RBPJ: variants seen among roughly 807,000 people sequenced by gnomAD.
The protein encoded by RBPJ is recombination signal binding protein for immunoglobulin kappa J region, also known as recombining binding protein suppressor of hairless.
A neutral mutation model predicts 67.8 loss-of-function variants in RBPJ; 9 were observed. That is an observed-to-expected ratio of 0.13 (90% CI 0.08 to 0.23). The LOEUF (loss-of-function observed/expected upper bound fraction) is 0.23, where lower values mean the gene tolerates loss of function less well. Among genes scored for constraint, RBPJ ranks in the 10% least tolerant of loss-of-function variants. The pLI, the probability that RBPJ is intolerant of heterozygous loss-of-function variation, is 1.00. For missense variants in RBPJ, 305 were observed against 595.6 expected (o/e 0.51, Z 5.08); for synonymous variants, 198 against 203.3 (o/e 0.97, Z 0.22).
chr4:26,185,356 T>A (rs1717203158), intron 1 of RBPJ, among the ~76,000 whole-genome samples: 1 of 152,086 alleles, frequency 6.6e-6, no homozygotes. Flanking sequence ...TGGAAGACAG[T>A]GGCAAGAGAT....
At chr4:26,265,763 G>T (rs2109255978) in intron 1 of RBPJ, among the ~76,000 whole-genome samples, 1 of 152,272 alleles carries the variant, frequency 6.6e-6, no homozygotes, top group South Asian at 2.1e-4. Flanking sequence ...TTCTGGCCAG[G>T]CACGGTGGCT....
intron 1 of RBPJ, among the ~76,000 whole-genome samples, chr4:26,168,169 G>T (rs557712533): frequency 6.6e-6 from 1 of 151,944 alleles, no homozygotes; most frequent in Admixed American, 6.6e-5. Context: ...TCCTAGTCTC[G>T]ATGGTCTTTA....
At position 26,431,073 on chromosome 4, in the gene RBPJ, A is replaced by G; in HGVS notation, c.*66A>G. The stretch of plus-strand genomic sequence containing the variant: ...GCAAAAAGTTAACAAAAAAGGAGAA[A>G]AAATGAACAATCGTTTGTGGTTTCT... On this transcript the variant is annotated 3_prime_UTR_variant, in exon 11 of 11. Transcript: ENST00000355476. The G allele has an allele frequency of 7.0e-7, 1 of 1,420,984 alleles. No individual in the cohort carries two copies. The highest frequency in any genetic ancestry group is 9.7e-7 in the Non-Finnish European group (1 of 1,027,134). The allele number at this position is 1,420,984 out of a possible 1,614,324, so 88.0% of individuals were successfully genotyped here. A position where few individuals can be genotyped will look rare whatever the true frequency, so the allele number is the denominator to read the frequency against.
chr4:26,270,440 G>GAAAGAGAAAGAAAGAAA lies in RBPJ; in HGVS notation c.-166-92001_-166-92000insGAAAGAAAGAAAAAAGA, dbSNP rs1560238032. 1.7e-4 allele frequency among the ~76,000 whole-genome samples: 16 copies of GAAAGAGAAAGAAAGAAA among 95,528 alleles called. 1 individual carries two copies. Among genetic ancestry groups the GAAAGAGAAAGAAAGAAA allele is most frequent in the African/African-American group, 7.0e-4 (16 of 22,894 alleles). 62.7% of individuals were successfully genotyped at this position (95,528 alleles called of 152,430 possible). ...AAGAAAGAAAGAAAGAAAGAAAGAA[G>GAAAGAGAAAGAAAGAAA]AAAGAAAGAAAGAAAGAAAAGAAAA... is the stretch of plus-strand genomic sequence containing the variant. On this transcript the variant is annotated intron_variant, in intron 1 of 4. Coordinates refer to the RBPJ transcript ENST00000512351.
At chr4:26,287,702 AAAG>A (rs1341527537) in intron 1 of RBPJ, among the ~76,000 whole-genome samples, 9 of 89,910 alleles carry the variant, frequency 1.0e-4, no homozygotes, top group African/African-American at 5.2e-4. Flanking sequence ...GGAGGGAAGA[AAAG>A]AAAGAGAAAG....
chr4:26,140,496 A>T, the RBPJ span, among the ~76,000 whole-genome samples: 1 of 152,118 alleles, frequency 6.6e-6, no homozygotes, highest in Admixed American at 6.5e-5. Context: ...TTCTATTCTC[A>T]GACTGGATCT....
chr4:26,244,809 T>A (rs1426977943), intron 1 of RBPJ, among the ~76,000 whole-genome samples: 1 of 152,024 alleles, frequency 6.6e-6, no homozygotes, highest in Non-Finnish European at 1.5e-5. Context: ...TAATTTTGTA[T>A]TTTTAGTAGA....
At chr4:26,320,550 C>A (rs1333820380), upstream of RBPJ, 6 of 519,218 alleles carry the variant, frequency 1.2e-5, no homozygotes, top group Non-Finnish European at 2.0e-5. Context: ...GAGCGGGAAG[C>A]CGCTTGGAAA....
At chr4:26,334,542 A>G (rs1724608521) in intron 1 of RBPJ, among the ~76,000 whole-genome samples, 1 of 152,198 alleles carries the variant, frequency 6.6e-6, no homozygotes, top group Non-Finnish European at 1.5e-5. Context: ...GTGTGTATGC[A>G]AAGGGGCTGC....
At chr4:26,159,886 G>C (rs1716044687), upstream of RBPJ, among the ~76,000 whole-genome samples, 2 of 151,850 alleles carry the variant, frequency 1.3e-5, no homozygotes, top group South Asian at 4.1e-4. Context: ...GGAAGAGAGA[G>C]AGTCCAGGGC....
At chr4:26,218,388 G>C (rs1718787985) in intron 1 of RBPJ, among the ~76,000 whole-genome samples, 1 of 152,172 alleles carries the variant, frequency 6.6e-6, no homozygotes, top group Non-Finnish European at 1.5e-5. Flanking sequence ...GAGACACCCT[G>C]ATGGGCACTG....
chr4:26,131,530 C>G, the RBPJ span, among the ~76,000 whole-genome samples: 1 of 152,016 alleles, frequency 6.6e-6, no homozygotes, highest in African/African-American at 2.4e-5. Context: ...AAATAGTGAC[C>G]CCAAAAGATA....
intron 1 of RBPJ, among the ~76,000 whole-genome samples, chr4:26,354,986 A>G (rs889661947): frequency 3.3e-5 from 5 of 152,120 alleles, no homozygotes; most frequent in Non-Finnish European, 7.4e-5. Context: ...CTCTCATTTA[A>G]TGAAATAATT....
At chr4:26,138,893 G>T in the RBPJ span, among the ~76,000 whole-genome samples, 1 of 152,226 alleles carries the variant, frequency 6.6e-6, no homozygotes, top group Non-Finnish European at 1.5e-5. Flanking sequence ...AGGCTTAGGG[G>T]TTCCATGAAG....
At chr4:26,308,759 A>T (rs915436252) in intron 1 of RBPJ, among the ~76,000 whole-genome samples, 6 of 152,176 alleles carry the variant, frequency 3.9e-5, no homozygotes, top group African/African-American at 1.4e-4. Context: ...CTACAAGTTG[A>T]TGCTTATCAT....
chr4:26,278,598 G>A (rs923317586), intron 1 of RBPJ, among the ~76,000 whole-genome samples: 4 of 152,170 alleles, frequency 2.6e-5, no homozygotes, highest in Non-Finnish European at 5.9e-5. Context: ...ATAGGATTAT[G>A]AAATAGACTA....
intron 1 of RBPJ, among the ~76,000 whole-genome samples, chr4:26,205,410 T>G (rs1718134824): frequency 6.6e-6 from 1 of 152,054 alleles, no homozygotes; most frequent in Non-Finnish European, 1.5e-5. Flanking sequence ...CTATGTGGGA[T>G]TCCTTTTTAG....
the RBPJ span, among the ~76,000 whole-genome samples, chr4:26,140,087 A>C: frequency 1.3e-5 from 2 of 152,224 alleles, no homozygotes; most frequent in African/African-American, 2.4e-5. Flanking sequence ...CCCATTTAAA[A>C]AATTAGAGAT....
chr4:26,389,366 C>T (rs1731261439), intron 2 of RBPJ, among the ~76,000 whole-genome samples: 1 of 151,120 alleles, frequency 6.6e-6, no homozygotes, highest in Non-Finnish European at 1.5e-5. Context: ...GAGAGGATGA[C>T]AGCAGGTTTT....
Sources: allele counts gnomAD v4.1 joint callset (sites outside exome capture counted in the v4.1 genomes callset), GRCh38; gene constraint gnomAD v4.1.1; transcripts MANE v1.5; gene names NCBI Gene and HGNC (gene_info 2026-07-23, HGNC 2026-07-21).